Variants in IMMP2L observed in about 807,000 individuals in gnomAD.
IMMP2L encodes inner mitochondrial membrane peptidase subunit 2, also known as mitochondrial inner membrane protease subunit 2.
A neutral mutation model predicts 19.3 loss-of-function variants in IMMP2L; 18 were observed. The ratio of observed to expected loss-of-function variants is 0.93; its 90% CI spans 0.64 to 1.38. The LOEUF is 1.38. Among genes scored for constraint, IMMP2L ranks in the 40% most tolerant of loss-of-function variants. The probability of loss-of-function intolerance (pLI) is 0.00; values close to 1 mark genes in which losing one functional copy is unlikely to be tolerated. For missense variants in IMMP2L, 233 were observed against 218.2 expected (o/e 1.07, Z -0.43); for synonymous variants, 76 against 73.0 (o/e 1.04, Z -0.21).
intron 3 of IMMP2L, among the ~76,000 whole-genome samples, chr7:111,470,523 C>T (rs1841146516): frequency 6.6e-6 from 1 of 151,836 alleles, no homozygotes; most frequent in South Asian, 2.1e-4. Flanking sequence ...CACATATACA[C>T]CATGGAATAC....
At chr7:110,686,450 G>A (rs541007189) in intron 5 of IMMP2L, among the ~76,000 whole-genome samples, 1 of 151,790 alleles carries the variant, frequency 6.6e-6, no homozygotes, top group East Asian at 1.9e-4. Context: ...CCTTTCTCCT[G>A]ATCTCCAGAC....
At chr7:111,113,879 A>G (rs1799531633) in intron 3 of IMMP2L, among the ~76,000 whole-genome samples, 2 of 152,178 alleles carry the variant, frequency 1.3e-5, no homozygotes, top group Non-Finnish European at 2.9e-5. Context: ...AACTGGAACT[A>G]AATCATAAGA....
intron 3 of IMMP2L, among the ~76,000 whole-genome samples, chr7:111,191,099 T>G (rs1808817174): frequency 6.6e-6 from 1 of 152,142 alleles, no homozygotes; most frequent in South Asian, 2.1e-4. Context: ...ACTGCCTGAC[T>G]CACAACTATT....
At chr7:111,195,205 T>A (rs371274064) in intron 3 of IMMP2L, among the ~76,000 whole-genome samples, 1 of 152,140 alleles carries the variant, frequency 6.6e-6, no homozygotes, top group Admixed American at 6.5e-5. Flanking sequence ...ATTATTAACA[T>A]AATTTCAATT....
rs547285933 is a variant in IMMP2L, at chr7:111,171,921, A to G, written c.240-208356T>C. On this transcript the variant is annotated intron_variant, in intron 3 of 5. Transcript: ENST00000405709. ...AGGGGCTAAGTAATAAGATGTGGTT[A>G]GGGGTGAAGAAAGGAATAACTTGAA... 6.1e-3 allele frequency among the ~76,000 whole-genome samples: 919 copies of G among 150,898 alleles called. 14 individuals carry two copies. The highest frequency in any genetic ancestry group is 0.019 in the African/African-American group (794 of 41,248).
At chr7:111,047,868 C>T (rs2129572158) in intron 3 of IMMP2L, among the ~76,000 whole-genome samples, 1 of 152,278 alleles carries the variant, frequency 6.6e-6, no homozygotes, top group South Asian at 2.1e-4. Flanking sequence ...AATTCTTGCA[C>T]ACCTTCCTTA....
chr7:111,097,214 G>A (rs1326745551), intron 3 of IMMP2L: 1 of 151,858 alleles, frequency 6.6e-6, no homozygotes, highest in African/African-American at 2.4e-5. Flanking sequence ...CAATGGAAGA[G>A]GCACTGTTTC....
At chr7:110,692,630 T>C (rs967793787) in intron 5 of IMMP2L, among the ~76,000 whole-genome samples, 1 of 152,190 alleles carries the variant, frequency 6.6e-6, no homozygotes, top group Non-Finnish European at 1.5e-5. Context: ...AAAATAAGTT[T>C]CAAACTTCGC....
intron 3 of IMMP2L, among the ~76,000 whole-genome samples, chr7:111,135,615 G>A (rs1259063910): frequency 2.0e-5 from 3 of 152,064 alleles, no homozygotes; most frequent in African/African-American, 7.2e-5. Flanking sequence ...CCATCATGAT[G>A]CCACATTATT....
intron 5 of IMMP2L, among the ~76,000 whole-genome samples, chr7:110,666,084 C>G (rs1791432629): frequency 6.6e-6 from 1 of 151,934 alleles, no homozygotes; most frequent in Non-Finnish European, 1.5e-5. Flanking sequence ...TTTTATTTAT[C>G]CGTTTGATGC....
At chr7:111,119,453 A>G (rs1800313040) in intron 3 of IMMP2L, among the ~76,000 whole-genome samples, 1 of 152,232 alleles carries the variant, frequency 6.6e-6, no homozygotes, top group Non-Finnish European at 1.5e-5. Flanking sequence ...AGTGCTCAAT[A>G]AATGTTGACT....
intron 3 of IMMP2L, among the ~76,000 whole-genome samples, chr7:111,180,080 A>G (rs1345936446): frequency 6.6e-6 from 1 of 152,056 alleles, no homozygotes; most frequent in Non-Finnish European, 1.5e-5. Context: ...ATCAGCAATA[A>G]GACTGCTTTA....
chr7:110,968,760 T>C (rs184553743), intron 3 of IMMP2L, among the ~76,000 whole-genome samples: 1 of 152,146 alleles, frequency 6.6e-6, no homozygotes, highest in Non-Finnish European at 1.5e-5. Flanking sequence ...TGAGGGCATA[T>C]GAGTCTAGAA....
At position 111,123,515 on chromosome 7, in the gene IMMP2L, T is replaced by A; in HGVS notation, c.240-159950A>T. 1 of 1,613,952 alleles carries A rather than the reference T, an allele frequency of 6.2e-7. No homozygotes were observed. The highest frequency in any genetic ancestry group is 8.5e-7 in the Non-Finnish European group (1 of 1,179,950). ...AGCATCTCTTTTTACGATAACAGGC[T>A]TATTAAAGTACCCCATGTTGCTCTT... On this transcript the variant is annotated intron_variant, in intron 3 of 5. Coordinates refer to ENST00000405709, the MANE Select transcript of IMMP2L (RefSeq NM_032549.4). The surrounding 1 kb of genome is among the most constrained non-coding windows in gnomAD (Gnocchi z 6.4).
At chr7:110,746,794 A>C (rs898775747) in intron 5 of IMMP2L, among the ~76,000 whole-genome samples, 3 of 152,216 alleles carry the variant, frequency 2.0e-5, no homozygotes, top group Non-Finnish European at 1.5e-5. Context: ...CCTACAAGAG[A>C]AAGCAGGAAA....
rs561484783 is a variant in IMMP2L, at chr7:110,758,664, G to C, written c.409-94943C>G. On this transcript the variant is annotated intron_variant, in intron 5 of 5. Transcript: ENST00000405709. The surrounding 1 kb of genome is among the most constrained non-coding windows in gnomAD (Gnocchi z 4.6). ...TCTTCCAATACTTTGTGAGCAGTTA[G>C]GACGTTAGTATATAATCAAGATCTT... 6.6e-6 allele frequency among the ~76,000 whole-genome samples: 1 copy of C among 152,214 alleles called. No homozygotes were observed. Among genetic ancestry groups the C allele is most frequent in the African/African-American group, 2.4e-5 (1 of 41,538 alleles).
intron 3 of IMMP2L, among the ~76,000 whole-genome samples, chr7:111,204,485 A>T (rs1810488033): frequency 6.6e-6 from 1 of 152,176 alleles, no homozygotes; most frequent in African/African-American, 2.4e-5. Context: ...ATGCCAGTTG[A>T]TCTATATTAT....
chr7:111,536,092 A>G (rs938084419), intron 1 of IMMP2L, among the ~76,000 whole-genome samples: 2 of 152,156 alleles, frequency 1.3e-5, no homozygotes, highest in African/African-American at 4.8e-5. Context: ...AAATTTGATT[A>G]CTTATTAAAT....
At chr7:111,052,994 G>A (rs571214803) in intron 3 of IMMP2L, among the ~76,000 whole-genome samples, 15 of 152,236 alleles carry the variant, frequency 9.9e-5, no homozygotes, top group South Asian at 2.1e-4. Flanking sequence ...GAGTGTTAGC[G>A]GCAGCGAATC....
Sources: gnomAD v4.1 joint callset for allele counts (sites outside exome capture counted in the v4.1 genomes callset) on GRCh38, gnomAD v4.1.1 for gene constraint, Gnocchi (gnomAD v3.1) non-coding constraint, MANE v1.5 for transcripts, NCBI Gene and HGNC (gene_info 2026-07-23, HGNC 2026-07-21) for gene names.